The following NUP210 variants were observed in gnomAD, a reference collection of about 807,000 sequenced individuals.
The protein encoded by NUP210 is nucleoporin 210.
NUP210 carries 151 observed loss-of-function variants against 196.0 expected under a neutral mutation model. That is an observed-to-expected ratio of 0.77 (90% CI 0.67 to 0.88). NUP210 has a LOEUF of 0.88. NUP210 is among the 40% of genes least tolerant of loss of function. The pLI is 0.00. For synonymous variants in NUP210, 1,070 were observed against 1,052.7 expected (o/e 1.02, Z -0.32); for missense variants, 2,314 against 2,493.7 (o/e 0.93, Z 1.53).
chr3:13,363,498 G>A (rs138125764), intron 14 of NUP210, among the ~76,000 whole-genome samples: 16 of 152,314 alleles, frequency 1.1e-4, no homozygotes, highest in African/African-American at 3.6e-4. Context: ...CTCTCCCTTA[G>A]GCATGAAAGT....
At chr3:13,385,621 G>A (rs1699246211) in intron 6 of NUP210, among the ~76,000 whole-genome samples, 1 of 152,208 alleles carries the variant, frequency 6.6e-6, no homozygotes, top group Non-Finnish European at 1.5e-5. Flanking sequence ...TGCAGACCGG[G>A]GCAAAGCCCA....
At chr3:13,396,519 G>A (rs112061403) in intron 3 of NUP210, among the ~76,000 whole-genome samples, 4,162 of 151,302 alleles carry the variant, frequency 0.028, 71 homozygotes, top group South Asian at 0.034. Context: ...AGGCTAAGCC[G>A]GGTGGATCAT....
chr3:13,360,394 T>G lies in NUP210; in HGVS notation c.2030A>C (p.Lys677Thr), dbSNP rs1698331334. The G allele has an allele frequency of 6.2e-7, 1 of 1,613,892 alleles. No individual in the cohort carries two copies. ...CTCAGCGGTGACGTTCTGGAAGAAT[T>G]TGGACGGCTCGAGGATCCAAGGTCT... ...GPRPWILEPS[K>T]FFQNVTAEDT... The change falls in exon 15 of 40, where the codon AAA (lysine) becomes ACA (threonine). Residue 677 changes from lysine to threonine, a missense_variant. By Grantham distance (78) the Lys-to-Thr change is moderately conservative. Transcript: ENST00000254508.
In NUP210 at chr3:13,348,393, G is replaced by C; in HGVS notation, c.2835+3486C>G. On this transcript the variant is annotated intron_variant, in intron 20 of 39. Coordinates refer to ENST00000254508, the MANE Select transcript of NUP210 (RefSeq NM_024923.4). This position sits in a 1 kb window ranked among gnomAD's most constrained non-coding sequence, Gnocchi z 4.0. ...GGTCACAAGTCCACCCTCAGAGCTT[G>C]CACAGAATGACAGGTGCAAGGTAAA... The C allele has an allele frequency of 1.0e-6, 1 of 985,422 alleles. No individual in the cohort carries two copies. Among genetic ancestry groups the C allele is most frequent in the African/African-American group, 1.7e-5 (1 of 57,368 alleles). 61.0% of individuals were successfully genotyped at this position (985,422 alleles called of 1,614,324 possible). A position where few individuals can be genotyped will look rare whatever the true frequency, so the allele number is the denominator to read the frequency against.
Position 13,360,456 on chromosome 3 carries a change from C to T in NUP210, c.1968G>A (p.Leu656=). Residue 656 remains leucine (L), a synonymous_variant, in exon 15 of 40, where the codon CTG becomes CTA. Coordinates refer to ENST00000254508, the MANE Select transcript of NUP210 (RefSeq NM_024923.4). ...CAAACAGCATCTCCTTTGAGGAGCC[C>T]AGGGTTACCAAGGCAACAGAGGAGG... ...VDPSSVALVT[L]GSSKEMLFEG... is the part of the protein sequence containing the mutation. 4.3e-6 allele frequency: 7 copies of T among 1,612,616 alleles called. No individual in the cohort carries two copies. The highest frequency in any genetic ancestry group is 5.9e-6 in the Non-Finnish European group (7 of 1,179,432).
intron 11 of NUP210, 93 bp downstream of exon 11, chr3:13,375,411 G>C (rs1698866518): frequency 1.2e-5 from 15 of 1,219,118 alleles, no homozygotes; most frequent in African/African-American, 1.5e-5. Flanking sequence ...ACAACCACTA[G>C]AGAGTAATAC....
Position 13,388,371 on chromosome 3 carries a change from TG to T in NUP210, c.615del (p.Ile206SerfsTer6). On this transcript the variant is annotated frameshift_variant, in exon 5 of 40. Transcript: ENST00000254508. LOFTEE classifies it high-confidence loss of function. ...EMEKAAKQGD[T>X]ILVSGMKTGS... Reference sequence around the variant, plus strand: ...CCGGTCTTCATCCCAGACACCAGGATGGTGTCCCCTTGCTTGGCAGCCTTCT... The same window carrying T: ...CCGGTCTTCATCCCAGACACCAGGATGTGTCCCCTTGCTTGGCAGCCTTCT... 1 of 1,613,046 alleles carries T rather than the reference TG, an allele frequency of 6.2e-7. No homozygotes were observed. The highest frequency in any genetic ancestry group is 8.5e-7 in the Non-Finnish European group (1 of 1,179,568).
Position 13,366,138 on chromosome 3 carries a change from C to CT in NUP210, c.1787-48dup, listed in dbSNP as rs752755656. 74 of 1,584,230 alleles carry CT rather than the reference C, an allele frequency of 4.7e-5. 1 individual carries two copies. The highest frequency in any genetic ancestry group is 3.1e-4 in the South Asian group (28 of 89,590). On this transcript the variant is annotated intron_variant, in intron 13 of 39. Transcript: ENST00000254508. ...ATGGTCACCCTGAAATCACTTTTTT[C>CT]TTTTTTTTGAGATGGAGTCTCGCTG... is the stretch of plus-strand genomic sequence containing the variant.
intron 5 of NUP210, among the ~76,000 whole-genome samples, 153 bp from the exon 6 acceptor site, chr3:13,386,560 C>G (rs1031126149): frequency 9.2e-5 from 14 of 152,126 alleles, no homozygotes; most frequent in African/African-American, 3.4e-4. Flanking sequence ...CTTTCAGAAC[C>G]CAGAGGTCCC....
At chr3:13,337,539 T>C (rs375405194) in intron 26 of NUP210, among the ~76,000 whole-genome samples, 4 of 152,196 alleles carry the variant, frequency 2.6e-5, no homozygotes, top group African/African-American at 9.7e-5. Flanking sequence ...GAACACCAAA[T>C]GGATTAATGT....
At chr3:13,341,640 G>T (rs894501133) in intron 23 of NUP210, 108 bp downstream of exon 23, 3 of 1,330,210 alleles carry the variant, frequency 2.3e-6, no homozygotes, top group Non-Finnish European at 3.1e-6. Flanking sequence ...GTGGGACACA[G>T]ATTTTTATAT....
In NUP210 at chr3:13,340,421, C is replaced by A; in HGVS notation, c.3229-123G>T. 2 of 862,620 alleles carry A rather than the reference C, an allele frequency of 2.3e-6. No homozygotes were observed. Among genetic ancestry groups the A allele is most frequent in the Non-Finnish European group, 3.7e-6 (2 of 536,280 alleles). The allele number at this position is 862,620 out of a possible 1,614,324, so 53.4% of individuals were successfully genotyped here. ...GACATGGACATCACTTCTCTCTGAG[C>A]AGTGACCAGAGGGCCCAGGGTCCTG... On this transcript the variant is annotated intron_variant, in intron 23 of 39. Coordinates refer to ENST00000254508, the MANE Select transcript of NUP210 (RefSeq NM_024923.4). This position sits in a 1 kb window ranked among gnomAD's most constrained non-coding sequence, Gnocchi z 4.0.
At chr3:13,404,435 C>T (rs1185235958) in intron 1 of NUP210, among the ~76,000 whole-genome samples, 1 of 152,192 alleles carries the variant, frequency 6.6e-6, no homozygotes, top group East Asian at 1.9e-4. Context: ...TACACAATGG[C>T]TAATTCTGAT....
At position 13,323,579 on chromosome 3, in the gene NUP210, G is replaced by T; in HGVS notation, c.4645-147C>A. ...CTGAGGCTCAAAGCCTAAACGCCTTGCTAGAATGTGGCAGAGAGGGGGTTT... is the reference window on the plus strand; with the variant it reads ...CTGAGGCTCAAAGCCTAAACGCCTTTCTAGAATGTGGCAGAGAGGGGGTTT... On this transcript the variant is annotated intron_variant, in intron 33 of 39. Transcript: ENST00000254508. This position sits in a 1 kb window ranked among gnomAD's most constrained non-coding sequence, Gnocchi z 4.3. 1.2e-6 allele frequency: 1 copy of T among 853,826 alleles called. No homozygotes were observed. The highest frequency in any genetic ancestry group is 1.8e-6 in the Non-Finnish European group (1 of 562,586). 52.9% of individuals were successfully genotyped at this position (853,826 alleles called of 1,614,324 possible).
rs13060838 is a variant in NUP210, at chr3:13,366,083, G to A, written c.1795C>T (p.Pro599Ser). ...CCGCTGCAGTGCTCAGAGCCTGGCG[G>A]CAGCCTCCCTACAGAAAGGAGAGAA... ...GVFQPLPGRL[P>S]PGSEHCSGIR... Residue 599 changes from proline to serine, a missense_variant, in exon 14 of 40, where the codon CCG becomes TCG. Pro to Ser is a moderately conservative substitution (Grantham distance 74). Coordinates refer to ENST00000254508, the MANE Select transcript of NUP210 (RefSeq NM_024923.4). 6.2e-7 allele frequency: 1 copy of A among 1,613,452 alleles called. No homozygotes were observed. The highest frequency in any genetic ancestry group is 8.5e-7 in the Non-Finnish European group (1 of 1,179,664).
chr3:13,379,455 G>T lies in NUP210; in HGVS notation c.976+108C>A. On this transcript the variant is annotated intron_variant, in intron 7 of 39. Transcript: ENST00000254508. This position sits in a 1 kb window ranked among gnomAD's most constrained non-coding sequence, Gnocchi z 4.2. ...TCTTTCTGATTTTCAGACCGTTGAG[G>T]GGAAACGGCTATTTTTAGCCCTGCC... 7.3e-7 allele frequency: 1 copy of T among 1,375,760 alleles called. No homozygotes were observed. Among genetic ancestry groups the T allele is most frequent in the Non-Finnish European group, 1.0e-6 (1 of 975,696 alleles). 85.2% of individuals were successfully genotyped at this position (1,375,760 alleles called of 1,614,324 possible).
chr3:13,348,830 G>A lies in NUP210; in HGVS notation c.2835+3049C>T. The stretch of plus-strand genomic sequence containing the variant: ...AAAACATCCTCTTTGCAAGACAGCT[G>A]GAGACCAACATCAAACGCTGAAGGA... On this transcript the variant is annotated intron_variant, in intron 20 of 39. Coordinates refer to ENST00000254508, the MANE Select transcript of NUP210 (RefSeq NM_024923.4). This position sits in a 1 kb window ranked among gnomAD's most constrained non-coding sequence, Gnocchi z 4.0. 1 of 985,324 alleles carries A rather than the reference G, an allele frequency of 1.0e-6. No homozygotes were observed. Among genetic ancestry groups the A allele is most frequent in the Non-Finnish European group, 1.2e-6 (1 of 829,914 alleles). The allele number at this position is 985,324 out of a possible 1,614,324, so 61.0% of individuals were successfully genotyped here.
intron 1 of NUP210, among the ~76,000 whole-genome samples, chr3:13,401,505 C>G (rs1699840499): frequency 6.6e-6 from 1 of 152,066 alleles, no homozygotes. Flanking sequence ...CAATCTACAC[C>G]CCGGAGGAAG....
chr3:13,373,416 A>G (rs1016626500), intron 12 of NUP210, among the ~76,000 whole-genome samples: 1 of 152,140 alleles, frequency 6.6e-6, no homozygotes, highest in Non-Finnish European at 1.5e-5. Flanking sequence ...GACCTTCCAA[A>G]TGGAGATTAC....
Sources: allele counts gnomAD v4.1 joint callset (sites outside exome capture counted in the v4.1 genomes callset), GRCh38; gene constraint gnomAD v4.1.1; non-coding constraint Gnocchi (gnomAD v3.1); transcripts MANE v1.5; gene names NCBI Gene and HGNC (gene_info 2026-07-23, HGNC 2026-07-21).